CCDC30: variants seen among roughly 807,000 people sequenced by gnomAD.
The protein encoded by CCDC30 is coiled-coil domain containing 30.
In CCDC30, 70 loss-of-function variants were observed where a neutral mutation model predicts 100.2. That is an observed-to-expected ratio of 0.70 (90% confidence interval 0.58 to 0.85). The LOEUF (loss-of-function observed/expected upper bound fraction) is 0.85, where lower values mean the gene tolerates loss of function less well. CCDC30 is among the 40% of genes least tolerant of loss of function. CCDC30 has a pLI of 0.00. For synonymous variants in CCDC30, 233 were observed against 269.5 expected (o/e 0.86, Z 1.33); for missense variants, 652 against 771.2 (o/e 0.85, Z 1.83).
chr1:42,644,615 G>A, intron 13 of CCDC30, 78 bp from the exon 18 acceptor site: 1 of 815,534 alleles, frequency 1.2e-6, no homozygotes, highest in Non-Finnish European at 2.1e-6. Flanking sequence ...GGGGCCAGTG[G>A]GAAGTGGGAT....
Position 42,514,509 on chromosome 1 carries a change from TTTCAAGTGCTTGTTAGCCA to T in CCDC30, c.456+15596_456+15614del, listed in dbSNP as rs375522933. Among the ~76,000 whole-genome samples the T allele has an allele frequency of 1.6e-4, 25 of 152,372 alleles. No homozygotes were observed. In the East Asian group the frequency reaches 4.8e-3, roughly 29 times the overall value. On this transcript the variant is annotated intron_variant, in intron 6 of 16. Transcript: ENST00000668663. The stretch of plus-strand genomic sequence containing the variant: ...GACTAATGATACTGAGTATCTGCCT[TTTCAAGTGCTTGTTAGCCA>T]TTTGCATATCTTCTTTGGTGAAAAT...
intron 14 of CCDC30, among the ~76,000 whole-genome samples, chr1:42,645,894 A>T (rs1647842481): frequency 6.6e-6 from 1 of 152,242 alleles, no homozygotes; most frequent in South Asian, 2.1e-4. Flanking sequence ...AGAGAAGGAC[A>T]AACACATTTG....
chr1:42,517,136 T>C (rs1332269142), intron 6 of CCDC30, among the ~76,000 whole-genome samples: 2 of 152,122 alleles, frequency 1.3e-5, no homozygotes, highest in Admixed American at 6.5e-5. Context: ...CAGGCAGGAG[T>C]GCAATGGTAA....
At chr1:42,506,513 A>G (rs1644397493) in intron 6 of CCDC30, among the ~76,000 whole-genome samples, 1 of 152,234 alleles carries the variant, frequency 6.6e-6, no homozygotes, top group Non-Finnish European at 1.5e-5. Context: ...ATTATGATTA[A>G]TAGCATATAC....
intron 6 of CCDC30, 109 bp from the exon 11 acceptor site, chr1:42,566,187 A>G: frequency 1.3e-6 from 1 of 791,536 alleles, no homozygotes; most frequent in African/African-American, 1.7e-5. Flanking sequence ...AAAAACATTT[A>G]CATGTGAATA....
chr1:42,568,167 T>G (rs1163306798), intron 7 of CCDC30, among the ~76,000 whole-genome samples: 2 of 152,178 alleles, frequency 1.3e-5, no homozygotes, highest in Non-Finnish European at 2.9e-5. Context: ...CATGCTGAAG[T>G]GCAGTGGCAT....
chr1:42,614,407 C>T (rs1646685961), intron 11 of CCDC30, among the ~76,000 whole-genome samples: 1 of 151,442 alleles, frequency 6.6e-6, no homozygotes, highest in South Asian at 2.1e-4. Context: ...ATATAATTTG[C>T]GTATAATAAA....
chr1:42,527,309 A>G (rs1358204396), intron 6 of CCDC30, among the ~76,000 whole-genome samples: 1 of 152,192 alleles, frequency 6.6e-6, no homozygotes, highest in Non-Finnish European at 1.5e-5. Flanking sequence ...ACACAGAAAG[A>G]TGTGATCAAG....
At chr1:42,650,851 C>T (rs1648287539) in intron 15 of CCDC30, among the ~76,000 whole-genome samples, 1 of 152,066 alleles carries the variant, frequency 6.6e-6, no homozygotes, top group Non-Finnish European at 1.5e-5. Context: ...TGGTCTCAAA[C>T]TCCTGGGCTT....
chr1:42,602,825 CATT>C (rs1348505937), intron 10 of CCDC30, among the ~76,000 whole-genome samples: 3 of 152,114 alleles, frequency 2.0e-5, no homozygotes, highest in Non-Finnish European at 4.4e-5. Context: ...AAACCAAAGA[CATT>C]ATAAGAAAAG....
chr1:42,464,714 A>C (rs1291063899), intron 1 of CCDC30, among the ~76,000 whole-genome samples: 1 of 152,240 alleles, frequency 6.6e-6, no homozygotes, highest in Non-Finnish European at 1.5e-5. Context: ...TACAATACGC[A>C]TTCCTTGTTG....
chr1:42,547,698 T>C (rs551133730), intron 6 of CCDC30, among the ~76,000 whole-genome samples: 2 of 152,324 alleles, frequency 1.3e-5, no homozygotes, highest in East Asian at 3.9e-4. Context: ...TCTCCTTTTT[T>C]TCTCATAATG....
chr1:42,534,883 A>G (rs1489282812), intron 6 of CCDC30: 1 of 152,154 alleles, frequency 6.6e-6, no homozygotes, highest in Non-Finnish European at 1.5e-5. Flanking sequence ...CTGGTGATTT[A>G]TTTAGATTGA....
the CCDC30 span, chr1:42,457,444 T>A: frequency 9.3e-7 from 1 of 1,071,850 alleles, no homozygotes; most frequent in Non-Finnish European, 1.4e-6. Flanking sequence ...TGCATCTGTA[T>A]TCGCTAGGCA....
At chr1:42,511,723 A>G (rs1258097029) in intron 6 of CCDC30, among the ~76,000 whole-genome samples, 2 of 152,062 alleles carry the variant, frequency 1.3e-5, no homozygotes, top group Admixed American at 1.3e-4. Flanking sequence ...TGGGAGGAGA[A>G]TTTGGCAAAG....
intron 11 of CCDC30, among the ~76,000 whole-genome samples, chr1:42,632,955 G>A: frequency 6.6e-6 from 1 of 151,778 alleles, no homozygotes; most frequent in East Asian, 2.0e-4. Context: ...GATTACAGAT[G>A]TGCGTCACTA....
In CCDC30 at chr1:42,637,261, ACAAAAAGTCAAGCTT is replaced by A. The variant is rs1405132939; in HGVS notation, c.1315_1329del (p.Leu439_Lys443del). 4 of 1,585,474 alleles carry A rather than the reference ACAAAAAGTCAAGCTT, an allele frequency of 2.5e-6. No homozygotes were observed. The South Asian group carries it at 3.5e-5, about 14-fold the overall frequency. On this transcript the variant is annotated inframe_deletion, in exon 12 of 17. Coordinates refer to ENST00000668663, the Ensembl canonical transcript of CCDC30. ...GAAACTATAATGAGAAACATCACCA[ACAAAAAGTCAAGCTT>A]CAAAAAGTCAAGTATCGTTTAACTA...
At chr1:42,569,064 T>C (rs1024228182) in intron 7 of CCDC30, 17 of 152,178 alleles carry the variant, frequency 1.1e-4, no homozygotes, top group African/African-American at 4.1e-4. Flanking sequence ...ATACTAAAAC[T>C]GGAATGATAC....
At chr1:42,536,529 A>G in intron 6 of CCDC30, 1 of 793,710 alleles carries the variant, frequency 1.3e-6, no homozygotes, top group Non-Finnish European at 1.7e-6. Flanking sequence ...AGTGGTCAAA[A>G]GAGAGAGAGA....
Sources: gnomAD v4.1 joint callset for allele counts (sites outside exome capture counted in the v4.1 genomes callset) on GRCh38, gnomAD v4.1.1 for gene constraint, MANE v1.5 for transcripts, NCBI Gene and HGNC (gene_info 2026-07-23, HGNC 2026-07-21) for gene names.